TOX3: variants seen among roughly 807,000 people sequenced by gnomAD.
TOX3 encodes the protein CAG trinucleotide repeat-containing gene F9 protein.
Under a neutral mutation model 64.3 loss-of-function variants are expected in TOX3, and 22 were observed. The ratio of observed to expected loss-of-function variants is 0.34; its 90% CI spans 0.24 to 0.49. The LOEUF is 0.49. Ranked by LOEUF, TOX3 falls within the 20% of genes least tolerant of loss-of-function variation. The pLI is 0.99. For missense variants in TOX3, 661 were observed against 714.4 expected (o/e 0.93, Z 0.85); for synonymous variants, 291 against 273.6 (o/e 1.06, Z -0.63).
At chr16:52,491,151 T>C (rs1961673088) in intron 1 of TOX3, among the ~76,000 whole-genome samples, 1 of 152,086 alleles carries the variant, frequency 6.6e-6, no homozygotes, top group South Asian at 2.1e-4. Flanking sequence ...ATAGCCTCAT[T>C]CCCTTCTATT....
In TOX3 at chr16:52,512,916, C is replaced by T. The variant is rs572888677; in HGVS notation, c.87+33721G>A. ...AGGGGAAGGAAAGAGCTAGAGAACA[C>T]GGTGTGAGTAACGTAAGCGAAAACA... On this transcript the variant is annotated intron_variant, in intron 1 of 6. Transcript: ENST00000219746. Among the ~76,000 whole-genome samples the T allele has an allele frequency of 6.6e-5, 10 of 152,300 alleles. No homozygotes were observed. The South Asian group carries it at 8.3e-4, about 13-fold the overall frequency.
intron 1 of TOX3, among the ~76,000 whole-genome samples, chr16:52,502,827 A>T (rs950874070): frequency 6.6e-6 from 1 of 152,210 alleles, no homozygotes; most frequent in Non-Finnish European, 1.5e-5. Flanking sequence ...TTGCTAGAAT[A>T]ATCCTAACAA....
At chr16:52,453,461 G>T (rs1189529002) in intron 3 of TOX3, among the ~76,000 whole-genome samples, 1 of 152,116 alleles carries the variant, frequency 6.6e-6, no homozygotes, top group Non-Finnish European at 1.5e-5. Context: ...TGGGATTACA[G>T]GCATGAGGCA....
intron 5 of TOX3, 31 bp downstream of exon 5, chr16:52,445,963 T>C (rs769976389): frequency 8.2e-6 from 13 of 1,590,612 alleles, no homozygotes; most frequent in South Asian, 3.3e-5. Flanking sequence ...ATGAGGTTTA[T>C]TGATGGAGCC....
intron 6 of TOX3, among the ~76,000 whole-genome samples, chr16:52,442,551 T>C (rs984973997): frequency 1.3e-5 from 2 of 152,228 alleles, no homozygotes; most frequent in Non-Finnish European, 2.9e-5. Context: ...GAGACATCAA[T>C]TGATTGTCAT....
chr16:52,519,502 G>A, intron 1 of TOX3: 1 of 1,549,472 alleles, frequency 6.5e-7, no homozygotes, highest in Non-Finnish European at 8.7e-7. Context: ...TCTTCTATGA[G>A]TATCTAAATC....
chr16:52,443,719 T>C (rs1960073811), intron 6 of TOX3, among the ~76,000 whole-genome samples: 1 of 152,234 alleles, frequency 6.6e-6, no homozygotes, highest in African/African-American at 2.4e-5. Flanking sequence ...TTGCTTGGGA[T>C]ATTGGGATAT....
chr16:52,492,020 C>T (rs1216587331), intron 1 of TOX3, among the ~76,000 whole-genome samples: 2 of 150,752 alleles, frequency 1.3e-5, no homozygotes, highest in Admixed American at 6.6e-5. Context: ...ATCTGAACAG[C>T]TTTACTAGGC....
intron 3 of TOX3, among the ~76,000 whole-genome samples, chr16:52,459,908 T>A (rs956367313): frequency 6.6e-6 from 1 of 152,062 alleles, no homozygotes; most frequent in East Asian, 1.9e-4. Context: ...CCAAGTATAA[T>A]AATAAAAAAA....
intron 1 of TOX3, among the ~76,000 whole-genome samples, chr16:52,486,227 T>C (rs1050859418): frequency 6.6e-6 from 1 of 152,042 alleles, no homozygotes; most frequent in African/African-American, 2.4e-5. Flanking sequence ...CAGTGTCTGA[T>C]GACCAAGACA....
At chr16:52,514,632 A>G (rs963308698) in intron 1 of TOX3, among the ~76,000 whole-genome samples, 1 of 152,220 alleles carries the variant, frequency 6.6e-6, no homozygotes, top group African/African-American at 2.4e-5. Context: ...GAATCTAAGA[A>G]GAGCTATTTA....
intron 3 of TOX3, among the ~76,000 whole-genome samples, chr16:52,454,961 A>G (rs1960474049): frequency 6.6e-6 from 1 of 152,186 alleles, no homozygotes; most frequent in African/African-American, 2.4e-5. Flanking sequence ...GCCCAGAGAA[A>G]TTTAATGTGA....
chr16:52,439,418 CGCTGCTGCA>C lies in TOX3; in HGVS notation c.1529_1537del (p.Leu510_Gln512del), dbSNP rs1229119148. ...GTGTTGCAGCTGCTGCAGCTGGAGG[CGCTGCTGCA>C]GCTGCTGCTGCAGCTGCTGTTGATT... On this transcript the variant is annotated inframe_deletion, in exon 7 of 7. Transcript: ENST00000219746. 1.1e-5 allele frequency: 17 copies of C among 1,555,280 alleles called. No homozygotes were observed. Among genetic ancestry groups the C allele is most frequent in the Non-Finnish European group, 1.5e-5 (17 of 1,142,488 alleles).
chr16:52,499,504 C>T (rs932661885), intron 1 of TOX3, among the ~76,000 whole-genome samples: 5 of 152,192 alleles, frequency 3.3e-5, no homozygotes, highest in Non-Finnish European at 7.3e-5. Context: ...TATGAAGAAT[C>T]TATCACTTCA....
chr16:52,470,650 A>T (rs1448698954), intron 1 of TOX3, among the ~76,000 whole-genome samples: 1 of 152,216 alleles, frequency 6.6e-6, no homozygotes, highest in East Asian at 1.9e-4. Context: ...AATTGTATCC[A>T]TTAATTAGTA....
At chr16:52,457,214 T>C (rs1960545745) in intron 3 of TOX3, among the ~76,000 whole-genome samples, 1 of 152,226 alleles carries the variant, frequency 6.6e-6, no homozygotes, top group Non-Finnish European at 1.5e-5. Flanking sequence ...CTTGCTTTGT[T>C]TTGTTTCTTT....
intron 1 of TOX3, among the ~76,000 whole-genome samples, chr16:52,508,498 A>G (rs8063421): frequency 0.013 from 1,942 of 152,326 alleles, 34 homozygotes; most frequent in African/African-American, 0.044. Flanking sequence ...ACTTAGAAGA[A>G]TATTACAAAA....
intron 1 of TOX3, among the ~76,000 whole-genome samples, chr16:52,469,060 T>C (rs1406662997): frequency 1.3e-5 from 2 of 152,188 alleles, no homozygotes; most frequent in African/African-American, 4.8e-5. Context: ...GTGAATGGGG[T>C]GTGGCATGAA....
At chr16:52,488,618 A>C (rs1006662511) in intron 1 of TOX3, among the ~76,000 whole-genome samples, 1 of 152,244 alleles carries the variant, frequency 6.6e-6, no homozygotes, top group Non-Finnish European at 1.5e-5. Flanking sequence ...AAGTTAAAAA[A>C]GTAAAGCAGA....
Sources: allele counts gnomAD v4.1 joint callset (sites outside exome capture counted in the v4.1 genomes callset), GRCh38; gene constraint gnomAD v4.1.1; transcripts MANE v1.5; gene names NCBI Gene and HGNC (gene_info 2026-07-23, HGNC 2026-07-21).